The following TMEM131L variants were observed in gnomAD, a reference collection of about 807,000 sequenced individuals.
TMEM131L encodes transmembrane protein 131-like.
A neutral mutation model predicts 192.2 loss-of-function variants in TMEM131L; 54 were observed. The ratio of observed to expected loss-of-function variants is 0.28; its 90% confidence interval spans 0.23 to 0.35. TMEM131L has a LOEUF of 0.35. Among genes scored for constraint, TMEM131L ranks in the 10% least tolerant of loss-of-function variants. The probability of loss-of-function intolerance (pLI) is 1.00; values close to 1 mark genes in which losing one functional copy is unlikely to be tolerated. For missense variants in TMEM131L, 1,888 were observed against 1,972.9 expected, an observed-to-expected ratio of 0.96 and a Z score of 0.82; for synonymous variants, 701 against 704.9, an observed-to-expected ratio of 0.99 and a Z score of 0.09.
At position 153,504,266 on chromosome 4, in the gene TMEM131L, C is replaced by CTTT. The variant is rs531620464; in HGVS notation, c.239+30407_239+30409dup. 2.8e-4 allele frequency among the ~76,000 whole-genome samples: 12 copies of CTTT among 42,566 alleles called. 1 individual carries two copies. The highest frequency in any genetic ancestry group is 8.7e-4 in the South Asian group (1 of 1,146). The allele number at this position is 42,566 out of a possible 152,430, so 27.9% of individuals were successfully genotyped here. A position where few individuals can be genotyped will look rare whatever the true frequency, so the allele number is the denominator to read the frequency against. ...ACGGGCGTGAGCCACCGCGGTCGGC[C>CTTT]TTTTTTTTTTTTTTTTTTTTTTTTT... On this transcript the variant is annotated intron_variant, in intron 3 of 34. Transcript: ENST00000409959.
chr4:153,494,829 G>C (rs944131710), intron 3 of TMEM131L, among the ~76,000 whole-genome samples: 1 of 152,206 alleles, frequency 6.6e-6, no homozygotes, highest in East Asian at 1.9e-4. Flanking sequence ...CAGTGGGCTT[G>C]GTTAGGGGGA....
intron 26 of TMEM131L, among the ~76,000 whole-genome samples, chr4:153,613,995 A>G (rs1732802057): frequency 6.6e-6 from 1 of 152,216 alleles, no homozygotes; most frequent in Admixed American, 6.5e-5. Flanking sequence ...CAAGATTCAT[A>G]GTAGAGGGGA....
intron 29 of TMEM131L, 145 bp downstream of exon 29, chr4:153,623,228 A>G: frequency 1.6e-6 from 1 of 637,072 alleles, no homozygotes; most frequent in South Asian, 3.1e-5. Flanking sequence ...GGACTTACTC[A>G]CTTTCTTTTT....
intron 3 of TMEM131L, among the ~76,000 whole-genome samples, chr4:153,474,293 C>G (rs1484049760): frequency 6.6e-6 from 1 of 152,182 alleles, no homozygotes; most frequent in East Asian, 1.9e-4. Flanking sequence ...CAAGAGCTAT[C>G]AAGAATTAGT....
In TMEM131L at chr4:153,532,042, C is replaced by G. The variant is rs537878185; in HGVS notation, c.240-18031C>G. Among the ~76,000 whole-genome samples, 159 of 152,280 alleles carry G rather than the reference C, an allele frequency of 1.0e-3. 1 individual carries two copies. The highest frequency in any genetic ancestry group is 5.2e-3 in the South Asian group (25 of 4,830). The stretch of plus-strand genomic sequence containing the variant: ...CCTGCTTGATTGAAATTGATTAGCT[C>G]TAGATGATTGGAGTCCTTGTAGCAG... On this transcript the variant is annotated intron_variant, in intron 3 of 34. Coordinates refer to ENST00000409959, the MANE Select transcript of TMEM131L (RefSeq NM_001131007.2).
At chr4:153,511,637 C>G (rs185283402) in intron 3 of TMEM131L, among the ~76,000 whole-genome samples, 329 of 152,238 alleles carry the variant, frequency 2.2e-3, no homozygotes, top group Non-Finnish European at 3.6e-3. Context: ...CTTCCTTTCC[C>G]TACTGAAAAA....
At chr4:153,634,395 T>A in intron 33 of TMEM131L, 115 bp downstream of exon 33, 1 of 821,314 alleles carries the variant, frequency 1.2e-6, no homozygotes, top group Non-Finnish European at 2.1e-6. Context: ...GAGAATGAGC[T>A]TGCAGTAGAC....
chr4:153,626,982 C>T (rs747676894), intron 30 of TMEM131L, among the ~76,000 whole-genome samples: 5 of 152,074 alleles, frequency 3.3e-5, no homozygotes, highest in Admixed American at 2.0e-4. Flanking sequence ...GAGTGAGAGA[C>T]GAGGAGCGTG....
chr4:153,589,587 T>C (rs1161230498), intron 16 of TMEM131L, among the ~76,000 whole-genome samples: 3 of 152,184 alleles, frequency 2.0e-5, no homozygotes, highest in Non-Finnish European at 4.4e-5. Flanking sequence ...ATTTTTCACT[T>C]AATATTTTCA....
At chr4:153,567,202 C>A (rs920712069) in intron 7 of TMEM131L, among the ~76,000 whole-genome samples, 1 of 152,080 alleles carries the variant, frequency 6.6e-6, no homozygotes, top group African/African-American at 2.4e-5. Context: ...TTACAAAATA[C>A]CTGATCTAGG....
intron 3 of TMEM131L, among the ~76,000 whole-genome samples, chr4:153,479,430 A>C (rs1041697799): frequency 6.6e-6 from 1 of 152,160 alleles, no homozygotes; most frequent in African/African-American, 2.4e-5. Context: ...ATGAGAGCAA[A>C]GGGGAACTGA....
At chr4:153,522,118 T>C (rs1735162480) in intron 3 of TMEM131L, among the ~76,000 whole-genome samples, 1 of 152,094 alleles carries the variant, frequency 6.6e-6, no homozygotes, top group African/African-American at 2.4e-5. Flanking sequence ...AATGTAAATT[T>C]TCAAGAGAGT....
At chr4:153,622,781 C>G in intron 28 of TMEM131L, 117 bp from the exon 29 acceptor site, 1 of 920,548 alleles carries the variant, frequency 1.1e-6, no homozygotes, top group East Asian at 2.4e-5. Context: ...GCTAGATGAG[C>G]AGAGGTAGCT....
At chr4:153,511,512 ATAAC>A (rs2150074793) in intron 3 of TMEM131L, among the ~76,000 whole-genome samples, 1 of 152,292 alleles carries the variant, frequency 6.6e-6, no homozygotes, top group African/African-American at 2.4e-5. Flanking sequence ...ATCAGGAAAA[ATAAC>A]TGAGTACTAA....
At chr4:153,592,000 T>A (rs540611738) in intron 17 of TMEM131L, among the ~76,000 whole-genome samples, 8 of 152,180 alleles carry the variant, frequency 5.3e-5, no homozygotes, top group Non-Finnish European at 7.4e-5. Flanking sequence ...CGTTACGCCC[T>A]CTTACCTCTA....
At position 153,586,369 on chromosome 4, in the gene TMEM131L, C is replaced by T; in HGVS notation, c.1472C>T (p.Ala491Val). 6.3e-7 allele frequency: 1 copy of T among 1,596,654 alleles called. No individual in the cohort carries two copies. The highest frequency in any genetic ancestry group is 8.5e-7 in the Non-Finnish European group (1 of 1,174,024). The stretch of plus-strand genomic sequence containing the variant: ...GCAATACCTCTACAGATTTATTCAG[C>T]ACCAACCAAGGTATTTTCTACAATA... ...IFAIPLQIYSAPTKEGSLGFE... is the reference protein window; with the variant it reads ...IFAIPLQIYSVPTKEGSLGFE... Residue 491 changes from alanine to valine, a missense_variant, in exon 14 of 35, where the codon GCA becomes GTA. Transcript: ENST00000409959.
chr4:153,549,016 G>A (rs1737404559), intron 3 of TMEM131L, among the ~76,000 whole-genome samples: 1 of 152,186 alleles, frequency 6.6e-6, no homozygotes, highest in African/African-American at 2.4e-5. Flanking sequence ...CCAGTCTGGA[G>A]TGCAGTGATG....
chr4:153,544,620 A>G (rs1000342922), intron 3 of TMEM131L, among the ~76,000 whole-genome samples: 1 of 152,176 alleles, frequency 6.6e-6, no homozygotes, highest in Non-Finnish European at 1.5e-5. Context: ...GGTCCATGCT[A>G]TCTTCACTCC....
intron 3 of TMEM131L, among the ~76,000 whole-genome samples, chr4:153,540,803 G>A (rs1736718494): frequency 1.3e-5 from 2 of 152,176 alleles, no homozygotes; most frequent in African/African-American, 4.8e-5. Context: ...AAAATAACAT[G>A]CACGGTAATG....
Sources: allele counts gnomAD v4.1 joint callset (sites outside exome capture counted in the v4.1 genomes callset), GRCh38; gene constraint gnomAD v4.1.1; transcripts MANE v1.5; gene names NCBI Gene and HGNC (gene_info 2026-07-23, HGNC 2026-07-21).